The following PPP1R13B variants were observed in gnomAD, a reference collection of about 807,000 sequenced individuals.
PPP1R13B encodes the protein apoptosis-stimulating of p53 protein 1.
Under a neutral mutation model 119.8 loss-of-function variants are expected in PPP1R13B, and 44 were observed. That is an observed-to-expected ratio of 0.37 (90% confidence interval 0.29 to 0.47). The LOEUF is 0.47. PPP1R13B is among the 20% of genes least tolerant of loss of function. The pLI is 0.99. For synonymous variants in PPP1R13B, 542 were observed against 561.5 expected, an observed-to-expected ratio of 0.97 and a Z score of 0.49; for missense variants, 1,227 against 1,413.5, an observed-to-expected ratio of 0.87 and a Z score of 2.12.
rs2085784692 is a variant in PPP1R13B, at chr14:103,797,397, T to TGGC, written c.128_130dup (p.Cys43_His44insArg). On this transcript the variant is annotated inframe_insertion, in exon 2 of 17. Transcript: ENST00000202556. ...ATTTCCCCTCCACACTTCAGCTAAA[T>TGGC]GGCAGCTGCCTTCTCCAGGTTCCTT... is the stretch of plus-strand genomic sequence containing the variant. The TGGC allele has an allele frequency of 1.2e-6, 2 of 1,614,006 alleles. No individual in the cohort carries two copies. Among genetic ancestry groups the TGGC allele is most frequent in the Non-Finnish European group, 1.7e-6 (2 of 1,180,016 alleles).
chr14:103,748,742 T>A (rs2084462968), intron 8 of PPP1R13B, among the ~76,000 whole-genome samples: 1 of 152,154 alleles, frequency 6.6e-6, no homozygotes, highest in Admixed American at 6.5e-5. Context: ...TGCTCACCAA[T>A]GCACTGTGAG....
At chr14:103,831,975 G>A (rs1322627224) in intron 1 of PPP1R13B, among the ~76,000 whole-genome samples, 1 of 151,802 alleles carries the variant, frequency 6.6e-6, no homozygotes, top group Non-Finnish European at 1.5e-5. Flanking sequence ...GGATGGTGGT[G>A]TGCACCTGTA....
chr14:103,837,956 T>TA (rs1275675758), intron 1 of PPP1R13B, among the ~76,000 whole-genome samples: 2 of 151,862 alleles, frequency 1.3e-5, no homozygotes. Context: ...CCATCTCTAA[T>TA]AAAAATACAA....
chr14:103,775,275 A>G (rs2085159906), intron 4 of PPP1R13B, among the ~76,000 whole-genome samples: 1 of 116,730 alleles, frequency 8.6e-6, no homozygotes, highest in African/African-American at 3.6e-5. Flanking sequence ...TATTATTATT[A>G]TTATTTTTTT....
rs758922105 is a variant in PPP1R13B, at chr14:103,742,080, TG to T, written c.1531del (p.Gln511SerfsTer39). The T allele has an allele frequency of 6.2e-7, 1 of 1,613,922 alleles. No homozygotes were observed. ...TLLPATGSTP[Q>X]PGSSQQIQQR... ...CTGAATCTGTTGTGAGGAGCCTGGC[TG>T]GGGGGTGCTGCCTGTGGCGGGCAGC... On this transcript the variant is annotated frameshift_variant, in exon 11 of 17. Coordinates refer to ENST00000202556, the MANE Select transcript of PPP1R13B (RefSeq NM_015316.3). LOFTEE classifies it high-confidence loss of function. The surrounding 1 kb of genome is among the most constrained non-coding windows in gnomAD (Gnocchi z 4.9).
intron 1 of PPP1R13B, among the ~76,000 whole-genome samples, chr14:103,830,570 T>A (rs1002456400): frequency 1.3e-5 from 2 of 152,172 alleles, no homozygotes; most frequent in African/African-American, 4.8e-5. Context: ...ACCCAGATAG[T>A]CTGTTCCAAA....
At chr14:103,814,008 A>G (rs1245812410) in intron 1 of PPP1R13B, among the ~76,000 whole-genome samples, 2 of 152,212 alleles carry the variant, frequency 1.3e-5, no homozygotes, top group Middle Eastern at 3.2e-3. Flanking sequence ...TGATATAGGT[A>G]CTACTCTTCA....
intron 1 of PPP1R13B, among the ~76,000 whole-genome samples, chr14:103,800,919 C>T (rs140738188): frequency 0.013 from 1,925 of 152,094 alleles, 41 homozygotes; most frequent in African/African-American, 0.043. Flanking sequence ...GGCATGAACT[C>T]GGCTCACTGC....
rs540392494 is a variant in PPP1R13B, at chr14:103,735,324, C to A, written c.3232-129G>T. 9.4e-4 allele frequency: 785 copies of A among 831,034 alleles called. 6 individuals are homozygous for A. Among genetic ancestry groups the A allele is most frequent in the South Asian group, 9.2e-3 (667 of 72,592 alleles). The allele number at this position is 831,034 out of a possible 1,614,324, so 51.5% of individuals were successfully genotyped here. ...GCAGCACCCTTGTCCCTCAGGCCTACGCTCAGCTGCACCTCTACACTGAGA... is the reference window on the plus strand; with the variant it reads ...GCAGCACCCTTGTCCCTCAGGCCTAAGCTCAGCTGCACCTCTACACTGAGA... On this transcript the variant is annotated intron_variant, in intron 16 of 16. Transcript: ENST00000202556.
intron 1 of PPP1R13B, among the ~76,000 whole-genome samples, chr14:103,828,783 T>G (rs2086606469): frequency 6.6e-6 from 1 of 152,212 alleles, no homozygotes; most frequent in African/African-American, 2.4e-5. Context: ...CAACGGCAGA[T>G]GAAAGCAGGA....
At chr14:103,756,663 G>A (rs1488899944) in intron 5 of PPP1R13B, among the ~76,000 whole-genome samples, 1 of 152,148 alleles carries the variant, frequency 6.6e-6, no homozygotes, top group Non-Finnish European at 1.5e-5. Flanking sequence ...ATCACGGATT[G>A]CTGCTTTCTT....
intron 1 of PPP1R13B, among the ~76,000 whole-genome samples, chr14:103,844,529 A>T (rs2086982915): frequency 6.6e-6 from 1 of 152,124 alleles, no homozygotes; most frequent in Admixed American, 6.6e-5. Context: ...CATGAGTTCA[A>T]GGTCAGCCTG....
chr14:103,810,918 G>A (rs1426758864), intron 1 of PPP1R13B, among the ~76,000 whole-genome samples: 2 of 142,880 alleles, frequency 1.4e-5, no homozygotes, highest in East Asian at 2.0e-4. Context: ...GTGAAGCCCC[G>A]TCTCTACTAA....
Position 103,742,267 on chromosome 14 carries a change from G to A in PPP1R13B, c.1345C>T (p.Pro449Ser), listed in dbSNP as rs767182069. 6.4e-7 allele frequency: 1 copy of A among 1,570,510 alleles called. No individual in the cohort carries two copies. Among genetic ancestry groups the A allele is most frequent in the East Asian group, 2.2e-5 (1 of 44,458 alleles). The change falls in exon 11 of 17, where the codon CCT becomes TCT. Residue 449 changes from proline (P) to serine (S), a missense_variant. Transcript: ENST00000202556. The surrounding 1 kb of genome is among the most constrained non-coding windows in gnomAD (Gnocchi z 4.9). Reference sequence around the variant, plus strand: ...TGCTTGCCTACACCCGGGATGGGAGGTGGCACTTTACCAATCTCGATGCCC... The same window carrying A: ...TGCTTGCCTACACCCGGGATGGGAGATGGCACTTTACCAATCTCGATGCCC... ...KPGIEIGKVP[P>S]PIPGVGKQLP...
At chr14:103,736,448 G>A in intron 15 of PPP1R13B, 1 of 577,186 alleles carries the variant, frequency 1.7e-6, no homozygotes, top group South Asian at 2.1e-5. Flanking sequence ...GGACAAACGA[G>A]CTCCTGAGCC....
intron 1 of PPP1R13B, among the ~76,000 whole-genome samples, chr14:103,801,078 G>A (rs1057510538): frequency 3.3e-5 from 5 of 152,046 alleles, no homozygotes; most frequent in Admixed American, 6.6e-5. Context: ...TCAAACTCCC[G>A]ACCTCAGGTG....
chr14:103,795,348 C>T (rs2085734000), intron 2 of PPP1R13B, among the ~76,000 whole-genome samples: 1 of 152,196 alleles, frequency 6.6e-6, no homozygotes, highest in Admixed American at 6.5e-5. Context: ...GTTAGCCAAG[C>T]TCCTAGGGAT....
intron 1 of PPP1R13B, among the ~76,000 whole-genome samples, chr14:103,824,038 C>CT (rs2086476461): frequency 7.7e-6 from 1 of 129,606 alleles, no homozygotes; most frequent in African/African-American, 2.9e-5. Flanking sequence ...TCTACCTCAT[C>CT]CTTTTTTTTT....
chr14:103,837,475 A>G (rs1012388594), intron 1 of PPP1R13B, among the ~76,000 whole-genome samples: 4 of 151,990 alleles, frequency 2.6e-5, no homozygotes, highest in Non-Finnish European at 2.9e-5. Flanking sequence ...TGAAGCAATA[A>G]ATCTGTTATC....
Sources: gnomAD v4.1 joint callset for allele counts (sites outside exome capture counted in the v4.1 genomes callset) on GRCh38, gnomAD v4.1.1 for gene constraint, Gnocchi (gnomAD v3.1) non-coding constraint, MANE v1.5 for transcripts, NCBI Gene and HGNC (gene_info 2026-07-23, HGNC 2026-07-21) for gene names.